CDK8: variants seen among roughly 807,000 people sequenced by gnomAD.
CDK8 encodes the protein cyclin dependent kinase 8.
Under a neutral mutation model 71.5 loss-of-function variants are expected in CDK8, and 29 were observed. The observed-to-expected ratio is 0.41, with a 90% CI of 0.30 to 0.55. The LOEUF is 0.55. Among genes scored for constraint, CDK8 ranks in the 20% least tolerant of loss-of-function variants. CDK8 has a pLI of 0.37. For synonymous variants in CDK8, 161 were observed against 192.1 expected (o/e 0.84, Z 1.34); for missense variants, 288 against 572.6 (o/e 0.50, Z 5.07).
intron 2 of CDK8, among the ~76,000 whole-genome samples, chr13:26,339,756 A>T (rs71425158): frequency 0.64 from 91,541 of 142,622 alleles, 29,573 homozygotes; most frequent in Middle Eastern, 0.75. Context: ...TTAAAAAAAA[A>T]ATATATATAT....
rs573228284 is a variant in CDK8, at chr13:26,382,232, C to G, written c.457-582C>G. 1.6e-4 allele frequency among the ~76,000 whole-genome samples: 24 copies of G among 152,248 alleles called. No individual in the cohort carries two copies. The South Asian group carries it at 4.6e-3, about 29-fold the overall frequency. On this transcript the variant is annotated intron_variant, in intron 4 of 12. Transcript: ENST00000381527. ...AAACTGAAAGCTTTGTAAACTCTTT[C>G]TTTAAATTTTAGCTTACTTTTTCAC...
intron 1 of CDK8, among the ~76,000 whole-genome samples, chr13:26,330,047 G>T (rs1463845349): frequency 1.3e-5 from 2 of 152,028 alleles, no homozygotes; most frequent in Non-Finnish European, 2.9e-5. Flanking sequence ...GTCTTTTTGT[G>T]TGTGTGCGTG....
intron 1 of CDK8, among the ~76,000 whole-genome samples, chr13:26,329,483 G>GTTTTTTTTTTTTTTTT (rs543441898): frequency 3.1e-5 from 4 of 128,482 alleles, no homozygotes; most frequent in African/African-American, 6.1e-5. Context: ...TTTTTTTTTT[G>GTTTTTTTTTTTTTTTT]TTTTTTTTTT....
chr13:26,344,068 C>G (rs181851067), intron 2 of CDK8, among the ~76,000 whole-genome samples: 1 of 152,150 alleles, frequency 6.6e-6, no homozygotes, highest in East Asian at 1.9e-4. Flanking sequence ...TCTGGTAGTT[C>G]CCAGTATCTA....
intron 4 of CDK8, among the ~76,000 whole-genome samples, chr13:26,355,357 T>C (rs1873848514): frequency 6.6e-6 from 1 of 152,228 alleles, no homozygotes; most frequent in African/African-American, 2.4e-5. Flanking sequence ...GGTTCATGCC[T>C]ATAATCCCAG....
intron 12 of CDK8, 132 bp from the exon 13 acceptor site, chr13:26,403,824 A>G (rs2138079236): frequency 9.1e-7 from 1 of 1,096,336 alleles, no homozygotes; most frequent in Non-Finnish European, 1.3e-6. Flanking sequence ...GTCTTTAATT[A>G]TAAAGTTAGT....
At chr13:26,368,542 C>G (rs1262199395) in intron 4 of CDK8, among the ~76,000 whole-genome samples, 1 of 152,162 alleles carries the variant, frequency 6.6e-6, no homozygotes, top group East Asian at 1.9e-4. Context: ...TGAGACACAT[C>G]TTGCTTTCAG....
chr13:26,279,397 G>C (rs1593235042), intron 1 of CDK8, among the ~76,000 whole-genome samples: 3 of 152,036 alleles, frequency 2.0e-5, no homozygotes, highest in Admixed American at 2.0e-4. Context: ...TTAACAAAAT[G>C]ATCAATCTTA....
intron 1 of CDK8, among the ~76,000 whole-genome samples, chr13:26,257,811 G>A (rs1871590271): frequency 6.6e-6 from 1 of 151,960 alleles, no homozygotes; most frequent in Non-Finnish European, 1.5e-5. Context: ...AAAAACAAAA[G>A]GCATTTTCTT....
intron 1 of CDK8, among the ~76,000 whole-genome samples, chr13:26,327,178 A>G (rs953482044): frequency 6.6e-6 from 1 of 152,214 alleles, no homozygotes; most frequent in Non-Finnish European, 1.5e-5. Context: ...GGATATATTC[A>G]TTAATATTTT....
intron 8 of CDK8, 38 bp downstream of exon 8, chr13:26,396,392 C>T: frequency 9.9e-7 from 1 of 1,006,208 alleles, no homozygotes; most frequent in Non-Finnish European, 1.5e-6. Flanking sequence ...TTGATTTTTG[C>T]TTTACCAGAA....
chr13:26,390,327 GA>G (rs1191609880), intron 6 of CDK8, among the ~76,000 whole-genome samples: 2 of 152,092 alleles, frequency 1.3e-5, no homozygotes, highest in Non-Finnish European at 2.9e-5. Flanking sequence ...AAAGCATAGG[GA>G]AAAAAATCTG....
chr13:26,386,038 A>T (rs1424170178), intron 6 of CDK8, among the ~76,000 whole-genome samples: 2 of 152,200 alleles, frequency 1.3e-5, no homozygotes, highest in East Asian at 3.9e-4. Flanking sequence ...ATTATGAAAA[A>T]CAATTTAGCA....
intron 1 of CDK8, among the ~76,000 whole-genome samples, chr13:26,290,338 A>G (rs1190384754): frequency 2.0e-5 from 3 of 152,218 alleles, no homozygotes; most frequent in African/African-American, 4.8e-5. Context: ...AGTGCCTGTC[A>G]TGCCAGGAAT....
chr13:26,282,141 A>G (rs1183555066), intron 1 of CDK8, among the ~76,000 whole-genome samples: 2 of 152,198 alleles, frequency 1.3e-5, no homozygotes, highest in Non-Finnish European at 2.9e-5. Flanking sequence ...TGGAAAACAT[A>G]TTTCAGGGAA....
chr13:26,358,077 T>C (rs905465040), intron 4 of CDK8, among the ~76,000 whole-genome samples: 9 of 151,740 alleles, frequency 5.9e-5, no homozygotes, highest in Admixed American at 2.6e-4. Context: ...GGGCAGATCA[T>C]GAGGTCAGGA....
At chr13:26,284,023 A>G (rs1872886372) in intron 1 of CDK8, among the ~76,000 whole-genome samples, 1 of 152,210 alleles carries the variant, frequency 6.6e-6, no homozygotes, top group African/African-American at 2.4e-5. Context: ...GAAATTAAAT[A>G]ATCTGCTTCT....
At chr13:26,279,243 A>G (rs997066370) in intron 1 of CDK8, among the ~76,000 whole-genome samples, 15 of 152,234 alleles carry the variant, frequency 9.9e-5, no homozygotes, top group African/African-American at 3.6e-4. Context: ...CAGTGTAAAA[A>G]TTGATTCAGG....
In CDK8 at chr13:26,267,173, GT is replaced by G. The variant is rs146418413; in HGVS notation, c.128+12409del. ...ATATTAATAAATATGTAGTCAACCA[GT>G]TTTTAGGGATAGATGTTGAAGTAAT... On this transcript the variant is annotated intron_variant, in intron 1 of 12. Coordinates refer to ENST00000381527, the MANE Select transcript of CDK8 (RefSeq NM_001260.3). Among the ~76,000 whole-genome samples the G allele has an allele frequency of 5.2e-3, 789 of 152,172 alleles. 7 individuals are homozygous for G. Among genetic ancestry groups the G allele is most frequent in the African/African-American group, 0.018 (737 of 41,456 alleles).
Sources: gnomAD v4.1 joint callset for allele counts (sites outside exome capture counted in the v4.1 genomes callset) on GRCh38, gnomAD v4.1.1 for gene constraint, MANE v1.5 for transcripts, NCBI Gene and HGNC (gene_info 2026-07-23, HGNC 2026-07-21) for gene names.